Variants in KCNH1 observed in about 807,000 individuals in gnomAD.
The protein encoded by KCNH1 is voltage-gated delayed rectifier potassium channel KCNH1.
Under a neutral mutation model 69.2 loss-of-function variants are expected in KCNH1, and 27 were observed. That is an observed-to-expected ratio of 0.39 (90% CI 0.29 to 0.54). KCNH1 has a LOEUF of 0.54. KCNH1 is among the 20% of genes least tolerant of loss of function. The probability of loss-of-function intolerance (pLI) is 0.68; values close to 1 mark genes in which losing one functional copy is unlikely to be tolerated. For synonymous variants in KCNH1, 456 were observed against 487.7 expected, an observed-to-expected ratio of 0.93 and a Z score of 0.86; for missense variants, 798 against 1,261.6, an observed-to-expected ratio of 0.63 and a Z score of 5.57.
chr1:210,803,960 T>A lies in KCNH1; in HGVS notation c.1662+7A>T. The A allele has an allele frequency of 6.2e-7, 1 of 1,613,074 alleles. No homozygotes were observed. Among genetic ancestry groups the A allele is most frequent in the Non-Finnish European group, 8.5e-7 (1 of 1,179,240 alleles). ...AATGGTTTCCCTGAGCTCCTCATCC[T>A]CCTTACCTTCTCTGTGTCAATGCCT... On this transcript the variant is annotated splice_region_variant and intron_variant, in intron 8 of 10. Coordinates refer to ENST00000271751, the MANE Select transcript of KCNH1 (RefSeq NM_172362.3).
intron 7 of KCNH1, among the ~76,000 whole-genome samples, chr1:210,900,003 G>A (rs1185295811): frequency 2.6e-5 from 4 of 152,198 alleles, no homozygotes; most frequent in Non-Finnish European, 4.4e-5. Flanking sequence ...GAAATTTTAG[G>A]ATAAAGGGGT....
chr1:210,820,044 G>A (rs546135933), intron 7 of KCNH1, among the ~76,000 whole-genome samples: 8 of 152,106 alleles, frequency 5.3e-5, no homozygotes, highest in Non-Finnish European at 8.8e-5. Flanking sequence ...GACTGCAACC[G>A]GGCTGCTCCC....
intron 1 of KCNH1, among the ~76,000 whole-genome samples, chr1:211,125,270 C>T (rs1691756675): frequency 6.6e-6 from 1 of 152,092 alleles, no homozygotes; most frequent in Non-Finnish European, 1.5e-5. Flanking sequence ...GGTCAGCCTC[C>T]CAGCCTCCAA....
At chr1:210,825,350 G>A (rs1166677004) in intron 7 of KCNH1, among the ~76,000 whole-genome samples, 1 of 152,032 alleles carries the variant, frequency 6.6e-6, no homozygotes, top group African/African-American at 2.4e-5. Context: ...TCAGGGATTG[G>A]GATTTCACAA....
intron 5 of KCNH1, among the ~76,000 whole-genome samples, chr1:211,052,745 T>C (rs1256210160): frequency 1.3e-5 from 2 of 152,238 alleles, no homozygotes; most frequent in African/African-American, 2.4e-5. Flanking sequence ...GATTTGGGTA[T>C]GGCCTCAGCT....
In KCNH1 at chr1:211,025,217, C is replaced by A. The variant is rs1571587548; in HGVS notation, c.559-5961G>T. On this transcript the variant is annotated intron_variant, in intron 5 of 10. Transcript: ENST00000271751. ...GGTTCTTATAAATCTCTAGGTAAAA[C>A]TCCCTCTTGTGTCATAGGAACTTCT... 1.3e-5 allele frequency among the ~76,000 whole-genome samples: 2 copies of A among 152,186 alleles called. 1 individual carries two copies.
intron 6 of KCNH1, among the ~76,000 whole-genome samples, chr1:210,971,766 T>G (rs1425573445): frequency 1.3e-5 from 2 of 152,142 alleles, no homozygotes; most frequent in Non-Finnish European, 2.9e-5. Flanking sequence ...ATTTTTATAT[T>G]ATCTGAACTT....
intron 10 of KCNH1, among the ~76,000 whole-genome samples, chr1:210,741,321 A>G (rs1683025374): frequency 2.0e-5 from 3 of 152,318 alleles, no homozygotes; most frequent in African/African-American, 7.2e-5. Flanking sequence ...ACACTGGTAA[A>G]TATAACATGC....
At chr1:211,131,102 C>A (rs1412333749) in intron 1 of KCNH1, among the ~76,000 whole-genome samples, 1 of 152,060 alleles carries the variant, frequency 6.6e-6, no homozygotes, top group Non-Finnish European at 1.5e-5. Context: ...CTCATTAGTT[C>A]TGCCCTTAAA....
chr1:211,122,000 C>T (rs185093765), intron 1 of KCNH1, among the ~76,000 whole-genome samples: 3 of 152,016 alleles, frequency 2.0e-5, no homozygotes, highest in Admixed American at 6.5e-5. Flanking sequence ...TAGCTGGACA[C>T]GGTGGCGGGC....
At chr1:211,125,762 G>C (rs1691767072) in intron 1 of KCNH1, among the ~76,000 whole-genome samples, 1 of 152,164 alleles carries the variant, frequency 6.6e-6, no homozygotes, top group South Asian at 2.1e-4. Flanking sequence ...ACATTTAAAA[G>C]GCTATGGGAA....
At chr1:211,061,209 T>C (rs571378184) in intron 5 of KCNH1, among the ~76,000 whole-genome samples, 19 of 152,100 alleles carry the variant, frequency 1.2e-4, no homozygotes, top group Non-Finnish European at 2.2e-4. Context: ...ACAAAAAACA[T>C]ACAATCATTT....
Position 210,818,432 on chromosome 1 carries a change from T to C in KCNH1, c.1463-14266A>G, listed in dbSNP as rs1025212204. Among the ~76,000 whole-genome samples, 9 of 152,212 alleles carry C rather than the reference T, an allele frequency of 5.9e-5. No homozygotes were observed. The South Asian group carries it at 8.3e-4, about 14-fold the overall frequency. ...TTCTACCAAATCTACTGCATCATAG[T>C]AATCAGAGCTTTGCAGTCACGCTGA... On this transcript the variant is annotated intron_variant, in intron 7 of 10. Transcript: ENST00000271751.
At chr1:210,797,881 G>T in intron 8 of KCNH1, 121 bp from the exon 9 acceptor site, 1 of 1,101,424 alleles carries the variant, frequency 9.1e-7, no homozygotes, top group Non-Finnish European at 1.3e-6. Flanking sequence ...TCTAACCAAA[G>T]TCCCTGCGCT....
At chr1:211,119,027 T>C (rs1303247244) in intron 1 of KCNH1, among the ~76,000 whole-genome samples, 1 of 152,166 alleles carries the variant, frequency 6.6e-6, no homozygotes, top group Non-Finnish European at 1.5e-5. Context: ...ATTTTGGAAA[T>C]AGAATTATAG....
chr1:210,697,485 C>G (rs1171163760), intron 10 of KCNH1, among the ~76,000 whole-genome samples: 1 of 152,246 alleles, frequency 6.6e-6, no homozygotes. Flanking sequence ...CGCAGGCCTG[C>G]AAGATGCTCT....
intron 1 of KCNH1, among the ~76,000 whole-genome samples, chr1:211,109,912 G>A (rs1691426853): frequency 6.7e-6 from 1 of 150,272 alleles, no homozygotes; most frequent in South Asian, 2.1e-4. Flanking sequence ...AAAAATAAGG[G>A]AACAAGAACT....
chr1:210,723,066 A>G (rs1035745051), intron 10 of KCNH1, among the ~76,000 whole-genome samples: 3 of 152,184 alleles, frequency 2.0e-5, no homozygotes, highest in Admixed American at 6.5e-5. Flanking sequence ...GGGAAAATTA[A>G]TCAGTAAAGA....
At chr1:210,880,756 C>T (rs1271460539) in intron 7 of KCNH1, among the ~76,000 whole-genome samples, 1 of 152,030 alleles carries the variant, frequency 6.6e-6, no homozygotes, top group African/African-American at 2.4e-5. Context: ...AAATTTTCTC[C>T]TCTGTCAAAG....
Sources: allele counts gnomAD v4.1 joint callset (sites outside exome capture counted in the v4.1 genomes callset), GRCh38; gene constraint gnomAD v4.1.1; transcripts MANE v1.5; gene names NCBI Gene and HGNC (gene_info 2026-07-23, HGNC 2026-07-21).